Variants in TMEM132D observed in about 807,000 individuals in gnomAD.
TMEM132D encodes the protein mature OL transmembrane protein.
A neutral mutation model predicts 62.3 loss-of-function variants in TMEM132D; 21 were observed. The observed-to-expected ratio is 0.34, with a 90% CI of 0.24 to 0.49. TMEM132D has a LOEUF of 0.49. TMEM132D is among the 20% of genes least tolerant of loss of function. The pLI is 0.99. For missense variants in TMEM132D, 1,346 were observed against 1,402.8 expected (o/e 0.96, Z 0.65); for synonymous variants, 621 against 575.6 (o/e 1.08, Z -1.13).
chr12:129,607,914 T>A (rs1013486830), intron 2 of TMEM132D, among the ~76,000 whole-genome samples: 2 of 152,190 alleles, frequency 1.3e-5, no homozygotes, highest in African/African-American at 4.8e-5. Context: ...CCAGAATCAC[T>A]ATTGCTCAAG....
At chr12:129,348,373 C>A (rs1374121226) in intron 3 of TMEM132D, among the ~76,000 whole-genome samples, 3 of 152,244 alleles carry the variant, frequency 2.0e-5, no homozygotes, top group East Asian at 3.9e-4. Flanking sequence ...TACTATGCAG[C>A]CATAAAAGCA....
At chr12:129,177,397 T>C (rs1877936247) in intron 5 of TMEM132D, among the ~76,000 whole-genome samples, 1 of 152,130 alleles carries the variant, frequency 6.6e-6, no homozygotes, top group Non-Finnish European at 1.5e-5. Flanking sequence ...TTACACAGTA[T>C]GTCAGAAAGT....
intron 3 of TMEM132D, among the ~76,000 whole-genome samples, chr12:129,385,027 T>C (rs1268576967): frequency 6.6e-6 from 1 of 150,878 alleles, no homozygotes; most frequent in Non-Finnish European, 1.5e-5. Flanking sequence ...AAAACATCCC[T>C]GAATCCACAG....
At chr12:129,814,986 T>C (rs968783602) in intron 1 of TMEM132D, among the ~76,000 whole-genome samples, 2 of 152,222 alleles carry the variant, frequency 1.3e-5, no homozygotes, top group African/African-American at 4.8e-5. Flanking sequence ...CCCTTCCATT[T>C]GTAATTACTT....
chr12:129,679,145 T>C (rs1023473207), intron 2 of TMEM132D, among the ~76,000 whole-genome samples: 12 of 152,002 alleles, frequency 7.9e-5, no homozygotes, highest in African/African-American at 2.9e-4. Context: ...TTTTTTTTTG[T>C]TGTTGTTGGA....
chr12:129,170,044 C>A (rs1254670386), intron 5 of TMEM132D: 1 of 152,210 alleles, frequency 6.6e-6, no homozygotes, highest in Non-Finnish European at 1.5e-5. Flanking sequence ...TTTCAGATGC[C>A]ACACTGGACC....
chr12:129,707,246 ATG>A (rs1311715095), intron 1 of TMEM132D, among the ~76,000 whole-genome samples: 12 of 148,356 alleles, frequency 8.1e-5, no homozygotes, highest in African/African-American at 2.4e-4. Flanking sequence ...ACATGTATAT[ATG>A]TGTATATAAT....
chr12:129,654,649 A>G (rs1487361056), intron 2 of TMEM132D, among the ~76,000 whole-genome samples: 1 of 152,232 alleles, frequency 6.6e-6, no homozygotes, highest in Non-Finnish European at 1.5e-5. Flanking sequence ...GTCACTGTAT[A>G]GTTTCCGGAG....
At chr12:129,185,489 A>C (rs1462668365) in intron 5 of TMEM132D, among the ~76,000 whole-genome samples, 1 of 152,160 alleles carries the variant, frequency 6.6e-6, no homozygotes, top group Non-Finnish European at 1.5e-5. Context: ...GTTGTTTACA[A>C]AGTCATCAAC....
chr12:129,567,486 T>G (rs545210751), intron 2 of TMEM132D, among the ~76,000 whole-genome samples: 1 of 152,316 alleles, frequency 6.6e-6, no homozygotes, highest in African/African-American at 2.4e-5. Context: ...ATTAAAATAT[T>G]CTCTTTTCCA....
chr12:129,828,439 T>C (rs1872717527), intron 1 of TMEM132D, among the ~76,000 whole-genome samples: 2 of 152,026 alleles, frequency 1.3e-5, no homozygotes, highest in South Asian at 4.2e-4. Context: ...TTCTGATTTA[T>C]CCATGTAGAT....
intron 2 of TMEM132D, among the ~76,000 whole-genome samples, chr12:129,566,627 T>C (rs1877375266): frequency 6.6e-6 from 1 of 152,240 alleles, no homozygotes. Context: ...CTTGACATAT[T>C]TTGAAATGGC....
At chr12:129,186,299 C>A (rs1326410564) in intron 5 of TMEM132D, among the ~76,000 whole-genome samples, 2 of 152,208 alleles carry the variant, frequency 1.3e-5, no homozygotes, top group Admixed American at 6.5e-5. Context: ...GCTCCCTTGG[C>A]AGCCCCTGCA....
intron 1 of TMEM132D, among the ~76,000 whole-genome samples, chr12:129,773,646 C>T (rs1428537035): frequency 6.6e-6 from 1 of 152,100 alleles, no homozygotes; most frequent in African/African-American, 2.4e-5. Flanking sequence ...GCTAAAGATG[C>T]TCAGAGCAGG....
chr12:129,168,734 C>T (rs893199526), intron 5 of TMEM132D, among the ~76,000 whole-genome samples: 4 of 152,132 alleles, frequency 2.6e-5, no homozygotes, highest in African/African-American at 9.7e-5. Flanking sequence ...CTGTCCTCTA[C>T]CTTCCAGATG....
intron 2 of TMEM132D, among the ~76,000 whole-genome samples, chr12:129,563,927 G>A (rs915407951): frequency 2.6e-5 from 4 of 152,192 alleles, no homozygotes; most frequent in African/African-American, 4.8e-5. Flanking sequence ...TTGGGACAGC[G>A]TTTGGGGATA....
chr12:129,151,521 C>T (rs150805524), intron 5 of TMEM132D, among the ~76,000 whole-genome samples: 113 of 152,342 alleles, frequency 7.4e-4, no homozygotes, highest in Non-Finnish European at 1.3e-3. Context: ...CGTCATGCGA[C>T]GCTCACCACA....
At chr12:129,382,152 A>T (rs953698423) in intron 3 of TMEM132D, among the ~76,000 whole-genome samples, 1 of 152,240 alleles carries the variant, frequency 6.6e-6, no homozygotes, top group Non-Finnish European at 1.5e-5. Context: ...CAGTCCATTT[A>T]AATATCAAAT....
chr12:129,337,697 G>T lies in TMEM132D; in HGVS notation c.1236C>A (p.Asp412Glu). 6.2e-7 allele frequency: 1 copy of T among 1,614,216 alleles called. No individual in the cohort carries two copies. Residue 412 changes from aspartate to glutamate, a missense_variant, in exon 4 of 9, where the codon GAC becomes GAA. By Grantham distance (45) the Asp-to-Glu change is conservative. Coordinates refer to ENST00000422113, the MANE Select transcript of TMEM132D (RefSeq NM_133448.3). ...QVEYPGEITS[D>E]LGVSKIYVSP... ...TCACATAGATCTTGGACACTCCCAA[G>T]TCAGACGTGATCTCTCCGGGGTACT... is the stretch of plus-strand genomic sequence containing the variant.
Sources: gnomAD v4.1 joint callset for allele counts (sites outside exome capture counted in the v4.1 genomes callset) on GRCh38, gnomAD v4.1.1 for gene constraint, MANE v1.5 for transcripts, NCBI Gene and HGNC (gene_info 2026-07-23, HGNC 2026-07-21) for gene names.